Variants in FOXK1 observed in about 807,000 individuals in gnomAD.
FOXK1 encodes forkhead box protein K1.
A neutral mutation model predicts 51.9 loss-of-function variants in FOXK1; 19 were observed. The observed-to-expected ratio is 0.37, with a 90% CI of 0.26 to 0.54. The LOEUF is 0.54. FOXK1 is among the 20% of genes least tolerant of loss of function. The probability of loss-of-function intolerance (pLI) is 0.87; values close to 1 mark genes in which losing one functional copy is unlikely to be tolerated. For synonymous variants in FOXK1, 537 were observed against 482.6 expected (o/e 1.11, Z -1.48); for missense variants, 870 against 1,032.7 (o/e 0.84, Z 2.16).
intron 1 of FOXK1, among the ~76,000 whole-genome samples, chr7:4,739,761 G>A (rs766420032): frequency 1.3e-5 from 2 of 152,332 alleles, no homozygotes; most frequent in East Asian, 1.9e-4. Context: ...TGCTCCTTCC[G>A]TTGTCAGATC....
chr7:4,694,911 A>G (rs994961790), intron 1 of FOXK1, among the ~76,000 whole-genome samples: 1 of 152,242 alleles, frequency 6.6e-6, no homozygotes, highest in Non-Finnish European at 1.5e-5. Flanking sequence ...TGTGACTTGG[A>G]TACAGTTTAC....
intron 1 of FOXK1, among the ~76,000 whole-genome samples, chr7:4,691,818 G>A (rs77566358): frequency 0.01 from 1,574 of 152,260 alleles, 30 homozygotes; most frequent in African/African-American, 0.036. Flanking sequence ...AAGAGGCCCT[G>A]CCCCTCAGCA....
intron 1 of FOXK1, among the ~76,000 whole-genome samples, chr7:4,716,702 C>T (rs965057472): frequency 2.6e-5 from 4 of 152,176 alleles, no homozygotes; most frequent in Admixed American, 1.3e-4. Context: ...GAGGGCACAG[C>T]AGGTTCCGGG....
intron 1 of FOXK1, among the ~76,000 whole-genome samples, chr7:4,691,814 C>T (rs1418073540): frequency 1.3e-5 from 2 of 152,174 alleles, no homozygotes; most frequent in African/African-American, 4.8e-5. Flanking sequence ...GGGCAAGAGG[C>T]CCTGCCCCTC....
At chr7:4,699,065 G>A (rs1283497921) in intron 1 of FOXK1, among the ~76,000 whole-genome samples, 1 of 152,218 alleles carries the variant, frequency 6.6e-6, no homozygotes, top group Non-Finnish European at 1.5e-5. Context: ...AGCCCAGGAT[G>A]GAGTTTGGCA....
intron 1 of FOXK1, among the ~76,000 whole-genome samples, chr7:4,705,917 A>G (rs1226746239): frequency 6.7e-6 from 1 of 148,660 alleles, no homozygotes; most frequent in South Asian, 2.1e-4. Flanking sequence ...ATATATCTAT[A>G]TAAACTATAT....
chr7:4,687,584 A>T (rs901136412), intron 1 of FOXK1, among the ~76,000 whole-genome samples: 1 of 152,134 alleles, frequency 6.6e-6, no homozygotes, highest in Non-Finnish European at 1.5e-5. Flanking sequence ...GTGAGCTACT[A>T]CGCCCGGCCC....
rs1780945585 is a variant in FOXK1, at chr7:4,762,388, A to G, written c.2126A>G (p.Glu709Gly). 18 of 1,549,850 alleles carry G rather than the reference A, an allele frequency of 1.2e-5. No individual in the cohort carries two copies. Among genetic ancestry groups the G allele is most frequent in the Admixed American group, 2.0e-5 (1 of 51,120 alleles). ...EPEVKRSRVE[E>G]PSGAVTTPAG... ...GAGGTCAAAAGGTCCCGGGTGGAGG[A>G]GCCCAGTGGTGCTGTAACCACACCG... The change falls in exon 9 of 9, where the codon GAG becomes GGG. Residue 709 changes from glutamate to glycine, a missense_variant. Physicochemically the swap from Glu to Gly is moderately conservative, Grantham distance 98 (BLOSUM62 -2). Transcript: ENST00000328914. The surrounding 1 kb of genome is among the most constrained non-coding windows in gnomAD (Gnocchi z 5.7).
chr7:4,760,304 G>A (rs1367278001), intron 7 of FOXK1, among the ~76,000 whole-genome samples: 1 of 152,156 alleles, frequency 6.6e-6, no homozygotes, highest in African/African-American at 2.4e-5. Context: ...AGGGCTTGAC[G>A]GGGTAGACAC....
Position 4,770,258 on chromosome 7 carries a change from G to A in FOXK1, c.*7794G>A, listed in dbSNP as rs1267557085. The A allele has an allele frequency of 6.6e-6, 1 of 152,120 alleles. No individual in the cohort carries two copies. The highest frequency in any genetic ancestry group is 2.4e-5 in the African/African-American group (1 of 41,392). 9.4% of individuals were successfully genotyped at this position (152,120 alleles called of 1,614,324 possible). A position where few individuals can be genotyped will look rare whatever the true frequency, so the allele number is the denominator to read the frequency against. On this transcript the variant is annotated 3_prime_UTR_variant, in exon 9 of 9. Coordinates refer to ENST00000328914, the MANE Select transcript of FOXK1 (RefSeq NM_001037165.2). ...GAATTTAAAATCAAATATTTGGCCA[G>A]GTGCGGTGGCTCATGCCCGTAATCC...
At chr7:4,708,948 C>T (rs1780139978) in intron 1 of FOXK1, among the ~76,000 whole-genome samples, 1 of 151,804 alleles carries the variant, frequency 6.6e-6, no homozygotes, top group Non-Finnish European at 1.5e-5. Context: ...GCCTGTAGTC[C>T]CAGCTACTCG....
At chr7:4,750,445 CTT>C (rs1217215296) in intron 2 of FOXK1, among the ~76,000 whole-genome samples, 13 of 142,586 alleles carry the variant, frequency 9.1e-5, no homozygotes, top group East Asian at 2.0e-4. Flanking sequence ...GTTTTCAGCA[CTT>C]TTTTTTTTTT....
Position 4,682,753 on chromosome 7 carries a change from C to T in FOXK1, c.445C>T (p.Leu149=). The change falls in exon 1 of 9, where the codon CTG becomes TTG. Residue 149 remains leucine (L), a synonymous_variant. Coordinates refer to ENST00000328914, the MANE Select transcript of FOXK1 (RefSeq NM_001037165.2). This position sits in a 1 kb window ranked among gnomAD's most constrained non-coding sequence, Gnocchi z 7.6. ...GLSSFISRRH[L]QLSFQEPHFY... is the part of the protein sequence containing the mutation. Reference sequence around the variant, plus strand: ...GTCCAGCTTCATCTCGCGGCGCCACCTGCAGCTCAGCTTCCAGGAGCCGCA... The same window carrying T: ...GTCCAGCTTCATCTCGCGGCGCCACTTGCAGCTCAGCTTCCAGGAGCCGCA... 1 of 1,600,588 alleles carries T rather than the reference C, an allele frequency of 6.2e-7. No individual in the cohort carries two copies. The highest frequency in any genetic ancestry group is 8.5e-7 in the Non-Finnish European group (1 of 1,177,714).
intron 1 of FOXK1, among the ~76,000 whole-genome samples, chr7:4,725,751 C>T (rs1016436925): frequency 2.6e-5 from 4 of 152,358 alleles, no homozygotes; most frequent in South Asian, 2.1e-4. Flanking sequence ...CGTGGCTGCC[C>T]GGGCTGGGCT....
chr7:4,749,860 G>C lies in FOXK1; in HGVS notation c.747-4599G>C, dbSNP rs1163970202. On this transcript the variant is annotated intron_variant, in intron 2 of 8. Coordinates refer to ENST00000328914, the MANE Select transcript of FOXK1 (RefSeq NM_001037165.2). This position sits in a 1 kb window ranked among gnomAD's most constrained non-coding sequence, Gnocchi z 6.0. ...TCTGTTGTTGGATTTGCCTTTCTCA[G>C]CGTGACTTCTCATCATAACGTGACC... 6.6e-6 allele frequency among the ~76,000 whole-genome samples: 1 copy of C among 152,200 alleles called. No individual in the cohort carries two copies. Among genetic ancestry groups the C allele is most frequent in the Non-Finnish European group, 1.5e-5 (1 of 68,026 alleles).
intron 1 of FOXK1, among the ~76,000 whole-genome samples, chr7:4,694,087 ATG>A (rs1170826175): frequency 1.4e-5 from 2 of 146,414 alleles, no homozygotes; most frequent in East Asian, 4.2e-4. Flanking sequence ...GTGTCTCACT[ATG>A]TTGCCCAGGC....
At chr7:4,692,135 A>G (rs963054421) in intron 1 of FOXK1, among the ~76,000 whole-genome samples, 2 of 152,202 alleles carry the variant, frequency 1.3e-5, no homozygotes, top group African/African-American at 4.8e-5. Flanking sequence ...TATGAAAAAA[A>G]AACTATATAC....
chr7:4,719,086 G>A (rs1201599834), intron 1 of FOXK1, among the ~76,000 whole-genome samples: 2 of 152,072 alleles, frequency 1.3e-5, no homozygotes, highest in African/African-American at 4.8e-5. Flanking sequence ...TGGGATTACA[G>A]GCATGAGCCA....
Position 4,760,766 on chromosome 7 carries a change from G to A in FOXK1, c.1697-298G>A, listed in dbSNP as rs1207965799. On this transcript the variant is annotated intron_variant, in intron 7 of 8. Coordinates refer to ENST00000328914, the MANE Select transcript of FOXK1 (RefSeq NM_001037165.2). ...CTCAGGAGGCTGAGGCAGGAGAATC[G>A]CTTGAACCCGGGAGGCGGAGGTTGC... 6.6e-5 allele frequency among the ~76,000 whole-genome samples: 10 copies of A among 152,236 alleles called. 1 individual carries two copies. In the East Asian group the frequency reaches 1.2e-3, roughly 18 times the overall value.
Sources: gnomAD v4.1 joint callset for allele counts (sites outside exome capture counted in the v4.1 genomes callset) on GRCh38, gnomAD v4.1.1 for gene constraint, Gnocchi (gnomAD v3.1) non-coding constraint, MANE v1.5 for transcripts, NCBI Gene and HGNC (gene_info 2026-07-23, HGNC 2026-07-21) for gene names.